Variants in CNGB3 observed in about 807,000 individuals in gnomAD.
CNGB3 encodes the protein cyclic nucleotide gated channel subunit beta 3.
Under a neutral mutation model 92.8 loss-of-function variants are expected in CNGB3, and 86 were observed. That is an observed-to-expected ratio of 0.93 (90% CI 0.78 to 1.11). The LOEUF (loss-of-function observed/expected upper bound fraction) is 1.11. CNGB3 is among the 50% of genes least tolerant of loss of function. The pLI is 0.00. For missense variants in CNGB3, 1,026 were observed against 956.8 expected (o/e 1.07, Z -0.95); for synonymous variants, 333 against 332.7 (o/e 1.00, Z -0.01).
chr8:86,583,885 A>G (rs1015432206), intron 15 of CNGB3, among the ~76,000 whole-genome samples: 6 of 139,324 alleles, frequency 4.3e-5, no homozygotes, highest in Non-Finnish European at 3.0e-5. Flanking sequence ...TCACACCAAT[A>G]CACTCCAGAC....
chr8:86,709,528 T>C (rs1232760707), intron 3 of CNGB3, among the ~76,000 whole-genome samples: 4 of 152,150 alleles, frequency 2.6e-5, no homozygotes, highest in African/African-American at 9.7e-5. Flanking sequence ...TAGAAGCAAT[T>C]TACCTAGCTG....
intron 9 of CNGB3, 100 bp downstream of exon 9, chr8:86,644,522 C>CT: frequency 6.8e-6 from 10 of 1,474,756 alleles, no homozygotes; most frequent in African/African-American, 1.4e-5. Flanking sequence ...AAATTATATC[C>CT]TTTTTTTGAA....
intron 3 of CNGB3, among the ~76,000 whole-genome samples, chr8:86,714,002 T>C (rs574033052): frequency 6.6e-6 from 1 of 152,298 alleles, no homozygotes; most frequent in East Asian, 1.9e-4. Context: ...TGACAATCGG[T>C]ACACCTGCAT....
intron 13 of CNGB3, among the ~76,000 whole-genome samples, chr8:86,623,891 T>A (rs369124007): frequency 1.3e-5 from 2 of 152,224 alleles, no homozygotes; most frequent in Admixed American, 6.5e-5. Context: ...TGGGTTTGAA[T>A]ATACCCAATA....
chr8:86,700,090 C>T (rs538984750), intron 3 of CNGB3, among the ~76,000 whole-genome samples: 2 of 152,150 alleles, frequency 1.3e-5, no homozygotes, highest in Admixed American at 1.3e-4. Flanking sequence ...ATTGCAACTT[C>T]AAAGAAACGA....
At chr8:86,590,049 A>G (rs1298463740) in intron 15 of CNGB3, among the ~76,000 whole-genome samples, 13 of 150,282 alleles carry the variant, frequency 8.7e-5, no homozygotes, top group Admixed American at 8.6e-4. Flanking sequence ...TATATTTAGG[A>G]TAGTTAGCTC....
At chr8:86,699,526 A>G (rs940931513) in intron 3 of CNGB3, among the ~76,000 whole-genome samples, 12 of 152,280 alleles carry the variant, frequency 7.9e-5, no homozygotes, top group African/African-American at 2.9e-4. Context: ...AATATATTGC[A>G]TATAAGTACC....
At chr8:86,688,599 T>G (rs1340932390) in intron 3 of CNGB3, among the ~76,000 whole-genome samples, 8 of 152,088 alleles carry the variant, frequency 5.3e-5, no homozygotes, top group African/African-American at 1.7e-4. Context: ...TCCAACTTCT[T>G]GGCATATAGT....
At chr8:86,630,190 A>C (rs1416407752) in intron 11 of CNGB3, among the ~76,000 whole-genome samples, 1 of 152,164 alleles carries the variant, frequency 6.6e-6, no homozygotes, top group African/African-American at 2.4e-5. Flanking sequence ...TGGCTCTTCC[A>C]AATATTCCTC....
chr8:86,610,221 G>A (rs569244188), intron 14 of CNGB3, among the ~76,000 whole-genome samples: 2 of 152,298 alleles, frequency 1.3e-5, no homozygotes, highest in South Asian at 4.1e-4. Context: ...GAATACCACA[G>A]CACTAGAAAG....
intron 10 of CNGB3, among the ~76,000 whole-genome samples, chr8:86,636,288 G>A (rs953485990): frequency 6.6e-6 from 1 of 151,924 alleles, no homozygotes; most frequent in Non-Finnish European, 1.5e-5. Context: ...AAGCACTAAT[G>A]AGGCCGGGCA....
rs1199125637 is a variant in CNGB3, at chr8:86,694,198, G to A, written c.339-23100C>T. On this transcript the variant is annotated intron_variant, in intron 3 of 17. Coordinates refer to ENST00000320005, the MANE Select transcript of CNGB3 (RefSeq NM_019098.5). ...GGCTGACCCCCCCCACCTCCCTCCC[G>A]GACGGGGCGGCTGGCCGGGCGGGGG... Among the ~76,000 whole-genome samples the A allele has an allele frequency of 1.5e-3, 212 of 143,740 alleles. 2 individuals carry two copies. Among genetic ancestry groups the A allele is most frequent in the East Asian group, 0.011 (52 of 4,600 alleles). The allele number at this position is 143,740 out of a possible 152,430, so 94.3% of individuals were successfully genotyped here.
At chr8:86,724,079 C>G (rs1286942920) in intron 3 of CNGB3, among the ~76,000 whole-genome samples, 1 of 152,168 alleles carries the variant, frequency 6.6e-6, no homozygotes, top group Non-Finnish European at 1.5e-5. Flanking sequence ...CTATTGTGTA[C>G]TGTGCTTATT....
chr8:86,670,356 A>G (rs886371084), intron 4 of CNGB3, among the ~76,000 whole-genome samples: 61 of 152,308 alleles, frequency 4.0e-4, no homozygotes, highest in African/African-American at 1.5e-3. Flanking sequence ...TGTCCTACAC[A>G]TATATCCTGA....
At chr8:86,711,315 G>A (rs923890964) in intron 3 of CNGB3, among the ~76,000 whole-genome samples, 9 of 152,098 alleles carry the variant, frequency 5.9e-5, no homozygotes, top group Non-Finnish European at 8.8e-5. Flanking sequence ...ATAGAAATCT[G>A]AGATTGTTCA....
intron 2 of CNGB3, among the ~76,000 whole-genome samples, chr8:86,732,582 C>G (rs1247546948): frequency 6.6e-6 from 1 of 152,168 alleles, no homozygotes; most frequent in African/African-American, 2.4e-5. Flanking sequence ...GGCTTTTCAG[C>G]TCCAGTTATC....
intron 2 of CNGB3, among the ~76,000 whole-genome samples, chr8:86,735,688 C>T (rs1348543608): frequency 6.6e-6 from 1 of 152,196 alleles, no homozygotes; most frequent in Non-Finnish European, 1.5e-5. Context: ...CCTGCTTCAA[C>T]TCTTATAAGG....
intron 2 of CNGB3, among the ~76,000 whole-genome samples, chr8:86,730,074 G>A (rs1825132679): frequency 6.6e-6 from 1 of 152,168 alleles, no homozygotes; most frequent in African/African-American, 2.4e-5. Flanking sequence ...AAAATAAGTA[G>A]AGTTTGCTCT....
At chr8:86,632,198 C>CAAA (rs71275869) in intron 11 of CNGB3, among the ~76,000 whole-genome samples, 67 of 70,436 alleles carry the variant, frequency 9.5e-4, no homozygotes, top group African/African-American at 1.8e-3. Flanking sequence ...GACCCTGTCT[C>CAAA]AAAAAAAAAA....
Sources: gnomAD v4.1 joint callset for allele counts (sites outside exome capture counted in the v4.1 genomes callset) on GRCh38, gnomAD v4.1.1 for gene constraint, MANE v1.5 for transcripts, NCBI Gene and HGNC (gene_info 2026-07-23, HGNC 2026-07-21) for gene names.